TOMM70: variants seen among roughly 807,000 people sequenced by gnomAD.
TOMM70 encodes the protein mitochondrial import receptor subunit TOM70.
Under a neutral mutation model 73.6 loss-of-function variants are expected in TOMM70, and 13 were observed. The ratio of observed to expected loss-of-function variants is 0.18; its 90% CI spans 0.11 to 0.28. The LOEUF (loss-of-function observed/expected upper bound fraction) is 0.28, where lower values mean the gene tolerates loss of function less well. TOMM70 is among the 10% of genes least tolerant of loss of function. The pLI is 1.00. For synonymous variants in TOMM70, 257 were observed against 271.2 expected, an observed-to-expected ratio of 0.95 and a Z score of 0.51; for missense variants, 609 against 747.5, an observed-to-expected ratio of 0.81 and a Z score of 2.16.
At position 100,363,695 on chromosome 3, in the gene TOMM70, A is replaced by AAT. The variant is rs1355722644; in HGVS notation, c.*1867_*1868dup. ...AGAAGAAAATGTCAGTGTTAATGTA[A>AAT]ATACAGCCATGCAAATAAAAACTTT... On this transcript the variant is annotated 3_prime_UTR_variant, in exon 12 of 12. Transcript: ENST00000284320. The AAT allele has an allele frequency of 1.3e-5, 2 of 152,640 alleles. No homozygotes were observed. Among genetic ancestry groups the AAT allele is most frequent in the African/African-American group, 4.8e-5 (2 of 41,462 alleles). The allele number at this position is 152,640 out of a possible 1,614,324, so 9.5% of individuals were successfully genotyped here. A position where few individuals can be genotyped will look rare whatever the true frequency, so the allele number is the denominator to read the frequency against.
chr3:100,367,935 A>G, intron 11 of TOMM70, 109 bp downstream of exon 11: 1 of 1,182,360 alleles, frequency 8.5e-7, no homozygotes. Flanking sequence ...TGAATAATAC[A>G]GGTGAAAAGA....
intron 1 of TOMM70, 77 bp downstream of exon 1, chr3:100,400,549 C>A: frequency 6.6e-7 from 1 of 1,505,220 alleles, no homozygotes; most frequent in East Asian, 2.4e-5. Context: ...GATGGGAAGC[C>A]CCCTCACTGA....
At chr3:100,379,322 AT>A (rs1706603051) in intron 5 of TOMM70, among the ~76,000 whole-genome samples, 1 of 152,158 alleles carries the variant, frequency 6.6e-6, no homozygotes, top group Non-Finnish European at 1.5e-5. Context: ...AAACTGGCAA[AT>A]GACTTAAAAG....
chr3:100,368,438 G>A (rs1235653849), intron 10 of TOMM70, among the ~76,000 whole-genome samples: 1 of 152,088 alleles, frequency 6.6e-6, no homozygotes, highest in East Asian at 1.9e-4. Flanking sequence ...TTTAAGTGAA[G>A]TTTCTTAGGA....
chr3:100,369,696 T>A (rs1559829994), intron 9 of TOMM70, among the ~76,000 whole-genome samples: 1 of 152,072 alleles, frequency 6.6e-6, no homozygotes, highest in Non-Finnish European at 1.5e-5. Context: ...AGATGGGGTT[T>A]CACCATGTTG....
At chr3:100,377,253 T>G (rs1706575895) in intron 6 of TOMM70, among the ~76,000 whole-genome samples, 1 of 152,252 alleles carries the variant, frequency 6.6e-6, no homozygotes, top group Non-Finnish European at 1.5e-5. Context: ...AATGAAAGGC[T>G]GTTCCAACTG....
In TOMM70 at chr3:100,400,866, A is replaced by C; in HGVS notation, c.84T>G (p.Thr28=). ...SSGSGVGGGG[T]AGPGTGGLPR... ...GCAGCCCCCCCGTGCCCGGGCCCGC[A>C]GTCCCGCCGCCGCCCACCCCACTCC... Residue 28 remains threonine, a synonymous_variant, in exon 1 of 12, where the codon ACT becomes ACG. Coordinates refer to ENST00000284320, the MANE Select transcript of TOMM70 (RefSeq NM_014820.5). 6.5e-7 allele frequency: 1 copy of C among 1,526,828 alleles called. No homozygotes were observed. The highest frequency in any genetic ancestry group is 8.7e-7 in the Non-Finnish European group (1 of 1,143,896). The allele number at this position is 1,526,828 out of a possible 1,614,324, so 94.6% of individuals were successfully genotyped here.
rs1222300898 is a variant in TOMM70, at chr3:100,373,657, A to G, written c.1228-12T>C. ...AGGAGTATTTTCAGCTAAGAAAAAA[A>G]TACGTAAATAAATGTAATTCAACTA... On this transcript the variant is annotated splice_polypyrimidine_tract_variant and intron_variant, in intron 7 of 11. Coordinates refer to ENST00000284320, the MANE Select transcript of TOMM70 (RefSeq NM_014820.5). 6.3e-7 allele frequency: 1 copy of G among 1,580,154 alleles called. No individual in the cohort carries two copies. Among genetic ancestry groups the G allele is most frequent in the Non-Finnish European group, 8.6e-7 (1 of 1,165,228 alleles).
At chr3:100,366,406 C>CTA (rs146350603) in intron 11 of TOMM70, among the ~76,000 whole-genome samples, 51 of 150,358 alleles carry the variant, frequency 3.4e-4, no homozygotes, top group Middle Eastern at 3.5e-3. Flanking sequence ...TAAGTCCCTA[C>CTA]TATATATATA....
chr3:100,374,096 A>G (rs552951311), intron 7 of TOMM70, among the ~76,000 whole-genome samples: 2 of 152,222 alleles, frequency 1.3e-5, no homozygotes, highest in African/African-American at 2.4e-5. Context: ...TTACATTTCA[A>G]TCAACAGACC....
intron 6 of TOMM70, among the ~76,000 whole-genome samples, chr3:100,376,495 C>T (rs1198099055): frequency 2.0e-5 from 3 of 151,576 alleles, no homozygotes; most frequent in Non-Finnish European, 2.9e-5. Flanking sequence ...TCCTGAGTAG[C>T]TATGACTACA....
At position 100,364,113 on chromosome 3, in the gene TOMM70, C is replaced by T. The variant is rs1706422475; in HGVS notation, c.*1451G>A. 1 of 152,158 alleles carries T rather than the reference C, an allele frequency of 6.6e-6. No individual in the cohort carries two copies. Among genetic ancestry groups the T allele is most frequent in the Non-Finnish European group, 1.5e-5 (1 of 68,026 alleles). The allele number at this position is 152,158 out of a possible 1,614,324, so 9.4% of individuals were successfully genotyped here. On this transcript the variant is annotated 3_prime_UTR_variant, in exon 12 of 12. Coordinates refer to ENST00000284320, the MANE Select transcript of TOMM70 (RefSeq NM_014820.5). ...CCCCTGAAGAACACAACCCTTCCCTCACCAGAAAAATCTAGCATATAAGCA... is the reference window on the plus strand; with the variant it reads ...CCCCTGAAGAACACAACCCTTCCCTTACCAGAAAAATCTAGCATATAAGCA...
At chr3:100,392,177 T>C (rs1242989711) in intron 1 of TOMM70, among the ~76,000 whole-genome samples, 1 of 152,176 alleles carries the variant, frequency 6.6e-6, no homozygotes, top group African/African-American at 2.4e-5. Context: ...TGAAATCCAC[T>C]AATGATGCAC....
At chr3:100,390,278 A>C (rs1192125581) in intron 1 of TOMM70, among the ~76,000 whole-genome samples, 2 of 152,224 alleles carry the variant, frequency 1.3e-5, no homozygotes, top group Non-Finnish European at 2.9e-5. Context: ...GGAAACAAAC[A>C]ACCGTCAATC....
intron 6 of TOMM70, 79 bp downstream of exon 6, chr3:100,377,626 C>G: frequency 7.0e-7 from 1 of 1,426,804 alleles, no homozygotes; most frequent in South Asian, 1.3e-5. Context: ...AGTTGAAATG[C>G]TTTAAAAAAT....
intron 3 of TOMM70, among the ~76,000 whole-genome samples, chr3:100,384,919 T>G (rs980682991): frequency 6.6e-6 from 1 of 152,194 alleles, no homozygotes; most frequent in Admixed American, 6.5e-5. Context: ...TGTGGCTCTC[T>G]CATGTCTGGT....
At position 100,387,599 on chromosome 3, in the gene TOMM70, G is replaced by GACACAGAC. The variant is rs796319693; in HGVS notation, c.325-622_325-621insGTCTGTGT. ...GCTAAAAGACACAGACACAGACACA[G>GACACAGAC]ACACACACACACACACACACACACA... On this transcript the variant is annotated intron_variant, in intron 1 of 11. Coordinates refer to ENST00000284320, the MANE Select transcript of TOMM70 (RefSeq NM_014820.5). Among the ~76,000 whole-genome samples the GACACAGAC allele has an allele frequency of 1.3e-3, 157 of 118,216 alleles. 1 individual carries two copies. The highest frequency in any genetic ancestry group is 4.3e-3 in the African/African-American group (138 of 31,734). 77.6% of individuals were successfully genotyped at this position (118,216 alleles called of 152,430 possible).
At chr3:100,373,090 C>A (rs1221543042) in intron 8 of TOMM70, among the ~76,000 whole-genome samples, 1 of 151,060 alleles carries the variant, frequency 6.6e-6, no homozygotes, top group African/African-American at 2.4e-5. Context: ...TTTTACGACT[C>A]CAGCCATACA....
At position 100,372,594 on chromosome 3, in the gene TOMM70, A is replaced by C. The variant is rs1706522707; in HGVS notation, c.1452+12T>G. 1 of 1,593,646 alleles carries C rather than the reference A, an allele frequency of 6.3e-7. No homozygotes were observed. The highest frequency in any genetic ancestry group is 1.4e-5 in the African/African-American group (1 of 73,842). ...ATGCAGTTATTTTTAAAAAACCTGA[A>C]AAAACATTTACCTGGGCGTATAGTG... On this transcript the variant is annotated intron_variant, in intron 9 of 11. Coordinates refer to ENST00000284320, the MANE Select transcript of TOMM70 (RefSeq NM_014820.5).
Sources: gnomAD v4.1 joint callset for allele counts (sites outside exome capture counted in the v4.1 genomes callset) on GRCh38, gnomAD v4.1.1 for gene constraint, MANE v1.5 for transcripts, NCBI Gene and HGNC (gene_info 2026-07-23, HGNC 2026-07-21) for gene names.